Variants in CMSS1 observed in about 807,000 individuals in gnomAD.
CMSS1 encodes protein CMSS1.
In CMSS1, 33 loss-of-function variants were observed where a neutral mutation model predicts 43.5. The observed-to-expected ratio is 0.76, with a 90% confidence interval of 0.57 to 1.01. The LOEUF is 1.01. Among genes scored for constraint, CMSS1 ranks in the 50% least tolerant of loss-of-function variants. The pLI, the probability that CMSS1 is intolerant of heterozygous loss-of-function variation, is 0.00. For synonymous variants in CMSS1, 115 were observed against 117.2 expected (o/e 0.98, Z 0.12); for missense variants, 313 against 326.4 (o/e 0.96, Z 0.32).
At chr3:100,087,801 A>G (rs9828079) in intron 1 of CMSS1, among the ~76,000 whole-genome samples, 27,075 of 150,360 alleles carry the variant, frequency 0.18, 2,818 homozygotes, top group South Asian at 0.25. Context: ...TCCTAACACA[A>G]ACTCACAAAG....
At chr3:100,091,789 T>C (rs975408312) in intron 1 of CMSS1, among the ~76,000 whole-genome samples, 1 of 152,242 alleles carries the variant, frequency 6.6e-6, no homozygotes, top group Non-Finnish European at 1.5e-5. Flanking sequence ...AATATTTTCC[T>C]TAAGACAGGA....
chr3:100,013,956 T>C (rs1045370072), intron 1 of CMSS1, among the ~76,000 whole-genome samples: 2 of 152,116 alleles, frequency 1.3e-5, no homozygotes, highest in African/African-American at 4.8e-5. Context: ...CATCTCCCCA[T>C]GTTCCTCTGT....
At chr3:99,902,210 C>T (rs1329703563) in intron 1 of CMSS1, among the ~76,000 whole-genome samples, 1 of 152,040 alleles carries the variant, frequency 6.6e-6, no homozygotes, top group Non-Finnish European at 1.5e-5. Flanking sequence ...TTCTTAGTAC[C>T]ATGTGACATT....
intron 1 of CMSS1, among the ~76,000 whole-genome samples, chr3:99,956,199 C>G (rs1033819227): frequency 6.6e-6 from 1 of 152,162 alleles, no homozygotes; most frequent in Non-Finnish European, 1.5e-5. Context: ...CTTAACCACT[C>G]TCACCCTTCA....
intron 1 of CMSS1, among the ~76,000 whole-genome samples, chr3:100,107,551 G>A (rs186032697): frequency 5.9e-5 from 9 of 152,196 alleles, no homozygotes; most frequent in Admixed American, 2.0e-4. Flanking sequence ...ACCACTAAAC[G>A]ATAGGCTAGT....
intron 1 of CMSS1, among the ~76,000 whole-genome samples, chr3:99,938,616 C>A (rs1707763926): frequency 6.6e-6 from 1 of 152,138 alleles, no homozygotes; most frequent in Admixed American, 6.5e-5. Context: ...AGATTTAGTT[C>A]CCTGAAAGAA....
Position 100,107,906 on chromosome 3 carries a change from T to G in CMSS1, c.65-39067T>G, listed in dbSNP as rs529817616. ...AAAAAAAAAAAAAAAGTTACTTGCTTAGGGCCAGAGAATCTCAGGGAAGGG... is the reference window on the plus strand; with the variant it reads ...AAAAAAAAAAAAAAAGTTACTTGCTGAGGGCCAGAGAATCTCAGGGAAGGG... On this transcript the variant is annotated intron_variant, in intron 1 of 9. Coordinates refer to ENST00000421999, the MANE Select transcript of CMSS1 (RefSeq NM_032359.4). Among the ~76,000 whole-genome samples the G allele has an allele frequency of 1.6e-4, 24 of 151,774 alleles. No individual in the cohort carries two copies. In the South Asian group the frequency reaches 5.0e-3, roughly 32 times the overall value.
At chr3:99,912,834 G>A (rs912121006) in intron 1 of CMSS1, among the ~76,000 whole-genome samples, 2 of 152,124 alleles carry the variant, frequency 1.3e-5, no homozygotes, top group African/African-American at 4.8e-5. Context: ...GATTTTTGTG[G>A]ACATGTGTTT....
chr3:100,155,871 TCTTTTTTCTGATC>T (rs757972538), intron 2 of CMSS1, among the ~76,000 whole-genome samples: 74 of 152,326 alleles, frequency 4.9e-4, no homozygotes, highest in Admixed American at 2.2e-3. Context: ...TTGGCACTAT[TCTTTTTTCTGATC>T]CTTTGTATTT....
chr3:99,833,658 G>A (rs1942778431), intron 1 of CMSS1, among the ~76,000 whole-genome samples: 1 of 152,196 alleles, frequency 6.6e-6, no homozygotes, highest in African/African-American at 2.4e-5. Flanking sequence ...TATTGACAAC[G>A]TGTTGTGTAA....
chr3:100,068,217 A>G (rs893162398), intron 1 of CMSS1, among the ~76,000 whole-genome samples: 4 of 152,248 alleles, frequency 2.6e-5, no homozygotes, highest in African/African-American at 9.6e-5. Context: ...GGTATTGACA[A>G]AGATACAGTG....
chr3:100,041,905 G>A (rs2065211338), intron 1 of CMSS1, among the ~76,000 whole-genome samples: 1 of 152,098 alleles, frequency 6.6e-6, no homozygotes, highest in African/African-American at 2.4e-5. Flanking sequence ...AATAATGACA[G>A]CTGAAAACTA....
intron 1 of CMSS1, among the ~76,000 whole-genome samples, chr3:99,980,962 T>A (rs1709105126): frequency 6.6e-6 from 1 of 152,174 alleles, no homozygotes; most frequent in African/African-American, 2.4e-5. Flanking sequence ...TGGGACCCAT[T>A]TAACCAAATG....
Position 100,162,289 on chromosome 3 carries a change from T to G in CMSS1, c.226-14T>G. 4 of 1,603,614 alleles carry G rather than the reference T, an allele frequency of 2.5e-6. No homozygotes were observed. Among genetic ancestry groups the G allele is most frequent in the Non-Finnish European group, 3.4e-6 (4 of 1,175,662 alleles). On this transcript the variant is annotated splice_polypyrimidine_tract_variant and intron_variant, in intron 3 of 9. Transcript: ENST00000421999. ...AAATATGTCGTCCCATTTTTCTTCT[T>G]TCTCATATCTTAGAAGAAAATTACT...
intron 1 of CMSS1, among the ~76,000 whole-genome samples, chr3:100,099,179 A>C (rs2066262399): frequency 1.3e-5 from 2 of 152,154 alleles, no homozygotes; most frequent in Non-Finnish European, 2.9e-5. Context: ...GGATTTCTGC[A>C]TTTTTTAGTT....
chr3:99,921,107 T>A (rs191978362), intron 1 of CMSS1, among the ~76,000 whole-genome samples: 1 of 152,184 alleles, frequency 6.6e-6, no homozygotes, highest in Non-Finnish European at 1.5e-5. Context: ...CATTGTTCTT[T>A]GACCCTTCAG....
chr3:100,058,696 C>T, intron 1 of CMSS1, among the ~76,000 whole-genome samples: 1 of 152,194 alleles, frequency 6.6e-6, no homozygotes. Flanking sequence ...GAAGCATCAA[C>T]AGACAACAGG....
chr3:100,028,851 A>G (rs970373604), intron 1 of CMSS1, among the ~76,000 whole-genome samples: 62 of 152,308 alleles, frequency 4.1e-4, no homozygotes, highest in African/African-American at 1.5e-3. Context: ...TGAACTATTC[A>G]ATGGTGATGT....
intron 1 of CMSS1, among the ~76,000 whole-genome samples, chr3:99,821,206 A>G (rs1339428001): frequency 1.3e-5 from 2 of 152,254 alleles, no homozygotes; most frequent in Non-Finnish European, 2.9e-5. Flanking sequence ...CTGGAGCTCA[A>G]CATGGGACCT....
Sources: allele counts gnomAD v4.1 joint callset (sites outside exome capture counted in the v4.1 genomes callset), GRCh38; gene constraint gnomAD v4.1.1; transcripts MANE v1.5; gene names NCBI Gene and HGNC (gene_info 2026-07-23, HGNC 2026-07-21).